Variants in UBR2 observed in about 807,000 individuals in gnomAD.
The protein encoded by UBR2 is E3 ubiquitin-protein ligase UBR2.
Under a neutral mutation model 247.9 loss-of-function variants are expected in UBR2, and 92 were observed. The ratio of observed to expected loss-of-function variants is 0.37; its 90% CI spans 0.31 to 0.44. The LOEUF is 0.44. UBR2 is among the 20% of genes least tolerant of loss of function. The probability of loss-of-function intolerance (pLI) is 1.00; values close to 1 mark genes in which losing one functional copy is unlikely to be tolerated. For missense variants in UBR2, 1,613 were observed against 2,112.6 expected (o/e 0.76, Z 4.64); for synonymous variants, 672 against 693.5 (o/e 0.97, Z 0.49).
rs145020893 is a variant in UBR2, at chr6:42,628,667, G to A, written c.1282-3885G>A. On this transcript the variant is annotated intron_variant, in intron 11 of 46. Transcript: ENST00000372901. ...GAACCTGTGAGGTGGAGGTTGCAGTGAGCCAAGATCATGCCACTGCACTCT... is the reference window on the plus strand; with the variant it reads ...GAACCTGTGAGGTGGAGGTTGCAGTAAGCCAAGATCATGCCACTGCACTCT... Among the ~76,000 whole-genome samples, 1,015 of 149,792 alleles carry A rather than the reference G, an allele frequency of 6.8e-3. 11 individuals are homozygous for A. Among genetic ancestry groups the A allele is most frequent in the Non-Finnish European group, 9.9e-3 (668 of 67,738 alleles).
At position 42,636,182 on chromosome 6, in the gene UBR2, GTTT is replaced by G. The variant is rs5875814; in HGVS notation, c.1674+648_1674+650del. ...CTTGGCCATGGTTGTTTTTTTTTTT[GTTT>G]TTTTTTTTTTTGAGACACAGCTTAC... On this transcript the variant is annotated intron_variant, in intron 14 of 46. Transcript: ENST00000372901. 5.7e-3 allele frequency among the ~76,000 whole-genome samples: 623 copies of G among 109,826 alleles called. 4 individuals carry two copies. Among genetic ancestry groups the G allele is most frequent in the African/African-American group, 0.018 (514 of 28,542 alleles). 72.1% of individuals were successfully genotyped at this position (109,826 alleles called of 152,430 possible).
At chr6:42,617,247 A>G (rs759999690) in intron 10 of UBR2, 162 bp from the exon 11 acceptor site, 3 of 1,614,138 alleles carry the variant, frequency 1.9e-6, no homozygotes, top group Non-Finnish European at 2.5e-6. Context: ...TAGAATTACC[A>G]GCAGTTGCAG....
intron 39 of UBR2, 64 bp downstream of exon 39, chr6:42,676,255 A>T (rs1053882516): frequency 1.0e-5 from 15 of 1,479,530 alleles, no homozygotes; most frequent in East Asian, 2.4e-5. Flanking sequence ...TTTTAAAAAA[A>T]GTATTAGAGG....
chr6:42,595,101 G>A (rs981838787), intron 4 of UBR2, among the ~76,000 whole-genome samples: 1 of 152,128 alleles, frequency 6.6e-6, no homozygotes, highest in Middle Eastern at 3.2e-3. Flanking sequence ...TGTGTAATGA[G>A]CAAATCAGGG....
intron 11 of UBR2, among the ~76,000 whole-genome samples, chr6:42,629,353 AG>A (rs1795554403): frequency 6.6e-6 from 1 of 151,528 alleles, no homozygotes; most frequent in Admixed American, 6.6e-5. Flanking sequence ...AGTGAATTGT[AG>A]GCATAAAAAT....
chr6:42,681,256 A>G (rs1347315284), intron 42 of UBR2, among the ~76,000 whole-genome samples: 1 of 151,282 alleles, frequency 6.6e-6, no homozygotes, highest in Non-Finnish European at 1.5e-5. Context: ...GCTGACATGT[A>G]CCTGTCAGGA....
intron 2 of UBR2, among the ~76,000 whole-genome samples, 181 bp from the exon 3 acceptor site, chr6:42,591,970 C>G (rs1308067929): frequency 6.6e-6 from 1 of 152,128 alleles, no homozygotes; most frequent in African/African-American, 2.4e-5. Flanking sequence ...AGACGCAGGT[C>G]CTTAAACTGC....
Position 42,573,599 on chromosome 6 carries a change from G to A in UBR2, c.79-135G>A, listed in dbSNP as rs1022293257. The A allele has an allele frequency of 1.1e-4, 103 of 940,740 alleles. 1 individual carries two copies. The highest frequency in any genetic ancestry group is 3.6e-4 in the Middle Eastern group (1 of 2,816). The allele number at this position is 940,740 out of a possible 1,614,324, so 58.3% of individuals were successfully genotyped here. A position where few individuals can be genotyped will look rare whatever the true frequency, so the allele number is the denominator to read the frequency against. ...TTAATAGATTAAATTTCTAACGTAC[G>A]GTGGTGAGTGTTGTAAACAAAATAT... is the stretch of plus-strand genomic sequence containing the variant. On this transcript the variant is annotated intron_variant, in intron 1 of 46. Transcript: ENST00000372901.
chr6:42,678,107 C>A (rs887890425), intron 40 of UBR2, among the ~76,000 whole-genome samples: 2 of 152,116 alleles, frequency 1.3e-5, no homozygotes, highest in Non-Finnish European at 1.5e-5. Context: ...GAGGCCAAGG[C>A]GGGCAGATCA....
At chr6:42,570,157 G>A (rs767758280) in intron 1 of UBR2, among the ~76,000 whole-genome samples, 1 of 152,234 alleles carries the variant, frequency 6.6e-6, no homozygotes, top group Non-Finnish European at 1.5e-5. Flanking sequence ...TATTAAGTAT[G>A]TATGTTTAAT....
rs562136766 is a variant in UBR2, at chr6:42,617,749, A to G, written c.1281+242A>G. Among the ~76,000 whole-genome samples the G allele has an allele frequency of 3.4e-4, 52 of 152,336 alleles. No homozygotes were observed. The South Asian group carries it at 0.011, about 31-fold the overall frequency. On this transcript the variant is annotated intron_variant, in intron 11 of 46. Transcript: ENST00000372901. Reference sequence around the variant, plus strand: ...TCTTCAGAGTAAAGGAGAGGGAAACAATCTACAATTTTTCATAGTACTTCC... The same window carrying G: ...TCTTCAGAGTAAAGGAGAGGGAAACGATCTACAATTTTTCATAGTACTTCC...
chr6:42,568,467 C>T (rs1002275627), intron 1 of UBR2, among the ~76,000 whole-genome samples: 8 of 152,178 alleles, frequency 5.3e-5, no homozygotes, highest in Non-Finnish European at 8.8e-5. Context: ...CGGTGGCTCA[C>T]ACCTGTAATT....
At chr6:42,567,247 CAAAG>C (rs1190716031) in intron 1 of UBR2, among the ~76,000 whole-genome samples, 1 of 152,124 alleles carries the variant, frequency 6.6e-6, no homozygotes, top group Non-Finnish European at 1.5e-5. Flanking sequence ...GTATGCCTCA[CAAAG>C]AAAAGTATCT....
chr6:42,660,996 TAAAA>T (rs11449013), intron 30 of UBR2, among the ~76,000 whole-genome samples: 3 of 139,358 alleles, frequency 2.2e-5, no homozygotes, highest in Admixed American at 7.2e-5. Context: ...TGTTTGTTTT[TAAAA>T]AAAAAAAAAA....
At position 42,637,059 on chromosome 6, in the gene UBR2, C is replaced by G. The variant is rs1241820645; in HGVS notation, c.1723C>G (p.Gln575Glu). The G allele has an allele frequency of 1.2e-6, 2 of 1,613,860 alleles. No homozygotes were observed. Among genetic ancestry groups the G allele is most frequent in the South Asian group, 1.1e-5 (1 of 91,048 alleles). ...CAAGAAATGTCTCGCTGTACTGATG[C>G]AGTGTCATGGTGGTTATACTGATGG... ...AYKKCLAVLM[Q>E]CHGGYTDGEQ... The change falls in exon 15 of 47, where the codon CAG becomes GAG. Residue 575 changes from glutamine to glutamate, a missense_variant. By Grantham distance (29) the Gln-to-Glu change is conservative. This residue lies in a region of UBR2 where 1,524 missense variants were observed against 1,967.3 expected (regional missense o/e 0.77). Coordinates refer to ENST00000372901, the MANE Select transcript of UBR2 (RefSeq NM_001363705.2).
intron 4 of UBR2, among the ~76,000 whole-genome samples, chr6:42,597,098 A>C (rs1342783994): frequency 3.3e-5 from 5 of 152,172 alleles, no homozygotes; most frequent in Non-Finnish European, 7.4e-5. Context: ...ATCTGCCTAC[A>C]TTTGCTCTGT....
At chr6:42,636,805 C>T (rs1308767065) in intron 14 of UBR2, among the ~76,000 whole-genome samples, 1 of 152,048 alleles carries the variant, frequency 6.6e-6, no homozygotes, top group East Asian at 1.9e-4. Flanking sequence ...ATTGGAATAA[C>T]TTCTAGATTT....
intron 4 of UBR2, among the ~76,000 whole-genome samples, chr6:42,601,814 C>G (rs116264577): frequency 6.6e-6 from 1 of 151,408 alleles, no homozygotes; most frequent in African/African-American, 2.4e-5. Context: ...TTACCTTCTT[C>G]AAGCTCTAGA....
chr6:42,602,548 A>G (rs1391849637), intron 4 of UBR2, among the ~76,000 whole-genome samples: 2 of 151,632 alleles, frequency 1.3e-5, no homozygotes, highest in Non-Finnish European at 2.9e-5. Flanking sequence ...TATCAGTTCC[A>G]TTAGGCTCAT....
Sources: allele counts gnomAD v4.1 joint callset (sites outside exome capture counted in the v4.1 genomes callset), GRCh38; gene constraint gnomAD v4.1.1; regional missense constraint gnomAD v4.1.1; transcripts MANE v1.5; gene names NCBI Gene and HGNC (gene_info 2026-07-23, HGNC 2026-07-21).